The following ABCE1 variants were observed in gnomAD, a reference collection of about 807,000 sequenced individuals.
ABCE1 encodes ATP binding cassette subfamily E member 1.
A neutral mutation model predicts 83.4 loss-of-function variants in ABCE1; 22 were observed. The observed-to-expected ratio is 0.26, with a 90% CI of 0.19 to 0.38. ABCE1 has a LOEUF of 0.38. Among genes scored for constraint, ABCE1 ranks in the 10% least tolerant of loss-of-function variants. The probability of loss-of-function intolerance (pLI) is 1.00; values close to 1 mark genes in which losing one functional copy is unlikely to be tolerated. For missense variants in ABCE1, 330 were observed against 721.9 expected (o/e 0.46, Z 6.22); for synonymous variants, 204 against 233.7 (o/e 0.87, Z 1.16).
At chr4:145,110,741 C>G in intron 7 of ABCE1, 3 of 543,154 alleles carry the variant, frequency 5.5e-6, no homozygotes, top group Non-Finnish European at 9.7e-6. Flanking sequence ...GGATTACAGG[C>G]GTGAGCCACT....
In ABCE1 at chr4:145,117,296, T is replaced by C. The variant is rs142470680; in HGVS notation, c.804T>C (p.Tyr268=). ...TAAAATCTGGTTTGATTTTCAGATA[T>C]ATCATTGTGGTGGAACATGATCTAA... ...TIRSLINPDR[Y]IIVVEHDLSV... The change falls in exon 10 of 18, where the codon TAT becomes TAC. Residue 268 remains tyrosine, a synonymous_variant. Coordinates refer to ENST00000296577, the MANE Select transcript of ABCE1 (RefSeq NM_002940.3). 6.6e-4 allele frequency: 1,048 copies of C among 1,599,640 alleles called. 1 individual carries two copies. The highest frequency in any genetic ancestry group is 8.0e-4 in the Non-Finnish European group (937 of 1,173,004).
At chr4:145,099,827 G>A (rs560252981) in intron 1 of ABCE1, among the ~76,000 whole-genome samples, 3 of 152,286 alleles carry the variant, frequency 2.0e-5, no homozygotes, top group East Asian at 1.9e-4. Context: ...ATGCTTCTAA[G>A]TATTCCTCAC....
rs1749970728 is a variant in ABCE1, at chr4:145,129,144, A to C, written c.*1571A>C. 1 of 152,214 alleles carries C rather than the reference A, an allele frequency of 6.6e-6. No homozygotes were observed. The allele number at this position is 152,214 out of a possible 1,614,324, so 9.4% of individuals were successfully genotyped here. A position where few individuals can be genotyped will look rare whatever the true frequency, so the allele number is the denominator to read the frequency against. ...AATGATCATTTCAAATATATTGAAT[A>C]AAATAAGCAAAAGCTATTGTTATTT... On this transcript the variant is annotated 3_prime_UTR_variant, in exon 18 of 18. Transcript: ENST00000296577.
intron 10 of ABCE1, among the ~76,000 whole-genome samples, chr4:145,118,712 CTCGATCTATTA>C (rs1380288813): frequency 1.3e-5 from 2 of 151,854 alleles, no homozygotes; most frequent in Non-Finnish European, 3.0e-5. Context: ...TTTTAATGTG[CTCGATCTATTA>C]AAACAGCTTA....
chr4:145,126,888 C>A (rs940996753), intron 17 of ABCE1, among the ~76,000 whole-genome samples: 10 of 152,052 alleles, frequency 6.6e-5, no homozygotes, highest in African/African-American at 2.4e-4. Flanking sequence ...TAAGTTCTCA[C>A]ATAAAATTGA....
Position 145,112,240 on chromosome 4 carries a change from T to A in ABCE1, c.712T>A (p.Phe238Ile). The change falls in exon 9 of 18, where the codon TTC becomes ATC. Residue 238 changes from phenylalanine to isoleucine, a missense_variant and splice_region_variant. Physicochemically the swap from Phe to Ile is conservative, Grantham distance 21 (BLOSUM62 0). Transcript: ENST00000296577. ...GCTTTTTTTTTTTTTTTTTCATAGT[T>A]TCATGTTTGATGAGCCTTCTAGTTA... Reference protein sequence around the residue: ...AVVCIQKADIFMFDEPSSYLD... With the variant: ...AVVCIQKADIIMFDEPSSYLD... 1 of 1,549,534 alleles carries A rather than the reference T, an allele frequency of 6.5e-7. No individual in the cohort carries two copies. Among genetic ancestry groups the A allele is most frequent in the East Asian group, 2.3e-5 (1 of 44,298 alleles).
chr4:145,123,807 A>G, intron 16 of ABCE1: 1 of 381,614 alleles, frequency 2.6e-6, no homozygotes, highest in East Asian at 4.0e-5. Context: ...CACCAGGAAG[A>G]TAAAAAGCTG....
chr4:145,107,614 A>G (rs1749345298), intron 3 of ABCE1, among the ~76,000 whole-genome samples: 1 of 152,168 alleles, frequency 6.6e-6, no homozygotes, highest in South Asian at 2.1e-4. Context: ...CACAGGTTCA[A>G]ACTGTGCAGA....
intron 3 of ABCE1, 74 bp downstream of exon 3, chr4:145,105,764 A>G (rs1157326960): frequency 1.9e-6 from 2 of 1,051,562 alleles, no homozygotes; most frequent in African/African-American, 1.6e-5. Context: ...ATACTATGCT[A>G]TAACTACTTT....
At chr4:145,113,067 A>G (rs1048827704) in intron 9 of ABCE1, among the ~76,000 whole-genome samples, 1 of 152,228 alleles carries the variant, frequency 6.6e-6, no homozygotes, top group Non-Finnish European at 1.5e-5. Flanking sequence ...AGAAATCCCA[A>G]ATGGTCAAAA....
chr4:145,113,286 GA>G (rs1749529763), intron 9 of ABCE1, among the ~76,000 whole-genome samples: 1 of 152,206 alleles, frequency 6.6e-6, no homozygotes, highest in Non-Finnish European at 1.5e-5. Flanking sequence ...GAAATGTCAA[GA>G]AAGCAAATAT....
rs746696618 is a variant in ABCE1 at position 145,123,619 on chromosome 4, A to T, written c.1640+19A>T. 7 of 1,583,310 alleles carry T rather than the reference A, an allele frequency of 4.4e-6. No homozygotes were observed. The East Asian group carries it at 1.6e-4, about 36-fold the overall frequency. ...CAAACAGGTAAAATTACTTTTTAAT[A>T]TGTTCAAAGTAATTCATTTTAAATT... On this transcript the variant is annotated intron_variant, in intron 16 of 17. Coordinates refer to ENST00000296577, the MANE Select transcript of ABCE1 (RefSeq NM_002940.3).
chr4:145,109,143 C>A lies in ABCE1; in HGVS notation c.299C>A (p.Pro100His). Residue 100 changes from proline to histidine, a missense_variant, in exon 5 of 18, where the codon CCT (proline) becomes CAT (histidine). Physicochemically the swap from Pro to His is moderately conservative, Grantham distance 77. Coordinates refer to ENST00000296577, the MANE Select transcript of ABCE1 (RefSeq NM_002940.3). ...TATACTTGTAACAGGTTGCCTATCC[C>A]TCGTCCAGGTGAAGTTTTGGGATTA... The part of the protein sequence containing the change: ...NAFKLHRLPI[P>H]RPGEVLGLVG... 1 of 1,611,088 alleles carries A rather than the reference C, an allele frequency of 6.2e-7. No individual in the cohort carries two copies. Among genetic ancestry groups the A allele is most frequent in the South Asian group, 1.1e-5 (1 of 90,562 alleles).
At chr4:145,104,660 C>CTGGA in intron 2 of ABCE1, 145 bp downstream of exon 2, 1 of 530,702 alleles carries the variant, frequency 1.9e-6, no homozygotes, top group Non-Finnish European at 3.0e-6. Flanking sequence ...GTAGTTTGTT[C>CTGGA]TAAATTTCTT....
chr4:145,115,170 A>G (rs1749577955), intron 9 of ABCE1, among the ~76,000 whole-genome samples: 1 of 151,990 alleles, frequency 6.6e-6, no homozygotes, highest in East Asian at 1.9e-4. Context: ...CTCAGAAAAC[A>G]GAATGGCTGA....
In ABCE1 at chr4:145,098,403, G is replaced by A. The variant is rs1200093662; in HGVS notation, c.-44G>A. 2.0e-5 allele frequency: 3 copies of A among 152,374 alleles called. No individual in the cohort carries two copies. The highest frequency in any genetic ancestry group is 7.2e-5 in the African/African-American group (3 of 41,476). The allele number at this position is 152,374 out of a possible 1,614,324, so 9.4% of individuals were successfully genotyped here. A position where few individuals can be genotyped will look rare whatever the true frequency, so the allele number is the denominator to read the frequency against. The stretch of plus-strand genomic sequence containing the variant: ...TGGCCTCTGTGCTCCCCTCCGCAAG[G>A]GGATCGTTTTCTCCAGGTACGTGAA... On this transcript the variant is annotated 5_prime_UTR_variant, in exon 1 of 18. Transcript: ENST00000296577.
intron 10 of ABCE1, among the ~76,000 whole-genome samples, chr4:145,118,868 C>T (rs1166809266): frequency 6.6e-6 from 1 of 151,756 alleles, no homozygotes; most frequent in African/African-American, 2.4e-5. Context: ...TGAAGTAGGA[C>T]TGTAAAGACT....
chr4:145,111,117 G>A, intron 8 of ABCE1, 53 bp downstream of exon 8: 1 of 1,191,554 alleles, frequency 8.4e-7, no homozygotes. Flanking sequence ...AGAGTTTTCA[G>A]TTGTGATGCT....
chr4:145,122,851 T>G, intron 13 of ABCE1, 170 bp from the exon 14 acceptor site: 3 of 522,602 alleles, frequency 5.7e-6, no homozygotes, highest in Non-Finnish European at 1.0e-5. Flanking sequence ...ACATGATGGG[T>G]TTTGAATAGA....
Sources: gnomAD v4.1 joint callset for allele counts (sites outside exome capture counted in the v4.1 genomes callset) on GRCh38, gnomAD v4.1.1 for gene constraint, MANE v1.5 for transcripts, NCBI Gene and HGNC (gene_info 2026-07-23, HGNC 2026-07-21) for gene names.